Variants in COL11A2 observed in about 807,000 individuals in gnomAD.
The protein encoded by COL11A2 is collagen type XI alpha 2 chain, also known as collagen alpha-2(XI) chain.
A neutral mutation model predicts 273.4 loss-of-function variants in COL11A2; 116 were observed. The observed-to-expected ratio is 0.42, with a 90% CI of 0.36 to 0.49. COL11A2 has a LOEUF of 0.49. Among genes scored for constraint, COL11A2 ranks in the 20% least tolerant of loss-of-function variants. The probability of loss-of-function intolerance (pLI) is 0.00; values close to 1 mark genes in which losing one functional copy is unlikely to be tolerated. For synonymous variants in COL11A2, 782 were observed against 864.2 expected (o/e 0.90, Z 1.67); for missense variants, 1,866 against 2,309.0 (o/e 0.81, Z 3.93).
Position 33,184,973 on chromosome 6 carries a change from G to A in COL11A2, c.939+19C>T, listed in dbSNP as rs1163403027. 5 of 1,548,924 alleles carry A rather than the reference G, an allele frequency of 3.2e-6. No homozygotes were observed. Among genetic ancestry groups the A allele is most frequent in the African/African-American group, 1.4e-5 (1 of 72,972 alleles). On this transcript the variant is annotated intron_variant, in intron 7 of 65. Transcript: ENST00000341947. Reference sequence around the variant, plus strand: ...TGCCCACTGCCCCCAGATGGGGTGAGGGTGGGGCATAGAGTTACCTCCTCA... The same window carrying A: ...TGCCCACTGCCCCCAGATGGGGTGAAGGTGGGGCATAGAGTTACCTCCTCA...
At position 33,163,571 on chromosome 6, in the gene COL11A2, G is replaced by A; in HGVS notation, c.*107C>T. On this transcript the variant is annotated 3_prime_UTR_variant, in exon 66 of 66. Coordinates refer to ENST00000341947, the MANE Select transcript of COL11A2 (RefSeq NM_080680.3). The surrounding 1 kb of genome is among the most constrained non-coding windows in gnomAD (Gnocchi z 4.1). ...TGAGGGCTCTCCACGCCCTGGCCCA[G>A]GGCTCCCTAGATAGTGAGGAGCCCT... is the stretch of plus-strand genomic sequence containing the variant. 6.3e-7 allele frequency: 1 copy of A among 1,574,956 alleles called. No homozygotes were observed. Among genetic ancestry groups the A allele is most frequent in the Non-Finnish European group, 8.7e-7 (1 of 1,146,600 alleles).
At chr6:33,175,766 A>C in intron 29 of COL11A2, 85 bp from the exon 30 acceptor site, 1 of 1,362,764 alleles carries the variant, frequency 7.3e-7, no homozygotes, top group Non-Finnish European at 1.0e-6. Context: ...AGTGAGGCTG[A>C]GGAGGGCTAG....
rs950268371 is a variant in COL11A2, at chr6:33,178,382, G to C, written c.1774-30C>G. 6.2e-7 allele frequency: 1 copy of C among 1,612,766 alleles called. No individual in the cohort carries two copies. The highest frequency in any genetic ancestry group is 8.5e-7 in the Non-Finnish European group (1 of 1,179,970). On this transcript the variant is annotated intron_variant, in intron 19 of 65. Coordinates refer to ENST00000341947, the MANE Select transcript of COL11A2 (RefSeq NM_080680.3). The surrounding 1 kb of genome is among the most constrained non-coding windows in gnomAD (Gnocchi z 4.6). ...AGGAGGAGGACACGGTAAAGCTGCT[G>C]TGCCTTCTAGACCTCCCCTGCACCC...
chr6:33,164,589 G>C lies in COL11A2; in HGVS notation c.4864-116C>G. ...ACCAGGACAGCTGAGCCAGAGTCAT[G>C]AGCAGGGAATGGCTGGAAGGCAAGG... On this transcript the variant is annotated intron_variant, in intron 64 of 65. Transcript: ENST00000341947. The surrounding 1 kb of genome is among the most constrained non-coding windows in gnomAD (Gnocchi z 4.7). 1 of 935,546 alleles carries C rather than the reference G, an allele frequency of 1.1e-6. No homozygotes were observed. Among genetic ancestry groups the C allele is most frequent in the Non-Finnish European group, 1.6e-6 (1 of 635,882 alleles). 58.0% of individuals were successfully genotyped at this position (935,546 alleles called of 1,614,324 possible).
In COL11A2 at chr6:33,165,765, T is replaced by A. The variant is rs778972205; in HGVS notation, c.4534A>T (p.Thr1512Ser). 2 of 1,610,792 alleles carry A rather than the reference T, an allele frequency of 1.2e-6. No homozygotes were observed. Among genetic ancestry groups the A allele is most frequent in the African/African-American group, 1.4e-5 (1 of 74,048 alleles). ...CGGCTTCCATCCACCGAGCGCCGAG[T>A]CTTCTTGGGCATCTGAATGGGCAGT... ...QPLPIQMPKK[T>S]RRSVDGSRLM... Residue 1512 changes from threonine to serine, a missense_variant, in exon 63 of 66, where the codon ACT becomes TCT. By Grantham distance (58) the Thr-to-Ser change is moderately conservative (BLOSUM62 1). Coordinates refer to ENST00000341947, the MANE Select transcript of COL11A2 (RefSeq NM_080680.3). This position sits in a 1 kb window ranked among gnomAD's most constrained non-coding sequence, Gnocchi z 7.7.
Position 33,163,539 on chromosome 6 carries a change from C to T in COL11A2, c.*139G>A, listed in dbSNP as rs1768636709. ...ACCACTTCACCCCTCCCCTGGCCTG[C>T]CCCGACTGAGGGCTCTCCACGCCCT... On this transcript the variant is annotated 3_prime_UTR_variant, in exon 66 of 66. Transcript: ENST00000341947. This position sits in a 1 kb window ranked among gnomAD's most constrained non-coding sequence, Gnocchi z 4.1. 6 of 1,382,062 alleles carry T rather than the reference C, an allele frequency of 4.3e-6. No homozygotes were observed. The Admixed American group carries it at 1.1e-4, about 25-fold the overall frequency. The allele number at this position is 1,382,062 out of a possible 1,614,324, so 85.6% of individuals were successfully genotyped here. A position where few individuals can be genotyped will look rare whatever the true frequency, so the allele number is the denominator to read the frequency against.
chr6:33,178,107 G>T lies in COL11A2; in HGVS notation c.1872+25C>A. On this transcript the variant is annotated intron_variant, in intron 21 of 65. Coordinates refer to ENST00000341947, the MANE Select transcript of COL11A2 (RefSeq NM_080680.3). The surrounding 1 kb of genome is among the most constrained non-coding windows in gnomAD (Gnocchi z 4.6). ...TGGAGAGGTCAAGGGGTCACCTCAG[G>T]GTCAGAAGTCAGGGAGTCACTTACA... 6 of 1,603,572 alleles carry T rather than the reference G, an allele frequency of 3.7e-6. No individual in the cohort carries two copies. The highest frequency in any genetic ancestry group is 5.1e-6 in the Non-Finnish European group (6 of 1,173,992).
At chr6:33,187,627 T>C (rs978875896) in intron 4 of COL11A2, among the ~76,000 whole-genome samples, 17 of 151,956 alleles carry the variant, frequency 1.1e-4, no homozygotes, top group Admixed American at 1.0e-3. Flanking sequence ...GGTGGACTGG[T>C]GGGCAGATGA....
Position 33,169,836 on chromosome 6 carries a change from C to T in COL11A2, c.3685G>A (p.Val1229Ile), listed in dbSNP as rs779552350. Residue 1229 changes from valine to isoleucine, a missense_variant, in exon 50 of 66, where the codon GTC (valine) becomes ATC (isoleucine). Physicochemically the swap from Val to Ile is conservative, Grantham distance 29. Transcript: ENST00000341947. The surrounding 1 kb of genome is among the most constrained non-coding windows in gnomAD (Gnocchi z 5.5). ...GCCTTGGAGCTGTCACTCACCTTGA[C>T]ACCTGGCTCGCCCTGGATCCCTGGA... ...GSPGIQGEPG[V>I]KGPRGERGEK... 1.2e-6 allele frequency: 2 copies of T among 1,614,138 alleles called. No homozygotes were observed. Among genetic ancestry groups the T allele is most frequent in the East Asian group, 2.2e-5 (1 of 44,874 alleles).
chr6:33,186,371 A>G, intron 5 of COL11A2: 1 of 1,402,204 alleles, frequency 7.1e-7, no homozygotes, highest in African/African-American at 1.4e-5. Context: ...GAAGGAAGGG[A>G]AAACCCAGGG....
chr6:33,192,662 G>C (rs1340455154), upstream of COL11A2, among the ~76,000 whole-genome samples: 1 of 152,094 alleles, frequency 6.6e-6, no homozygotes, highest in Non-Finnish European at 1.5e-5. Context: ...TGTACCCTAA[G>C]ATTCTCTTTT....
chr6:33,188,755 A>T (rs547918732), intron 3 of COL11A2, among the ~76,000 whole-genome samples: 2 of 152,336 alleles, frequency 1.3e-5, no homozygotes, highest in East Asian at 3.9e-4. Context: ...AGGCTCAAAA[A>T]TTTTAAGTAA....
rs914781832 is a variant in COL11A2 at position 33,192,229 on chromosome 6, G to A, written c.12C>T (p.Cys4=). The stretch of plus-strand genomic sequence containing the variant: ...GGAGGAGGAGGCGATGGCAGCGGCT[G>A]CACCGCTCCATGGCTGAGAAGCCGA... MER[C]SRCHRLLLLL... is the part of the protein sequence containing the mutation. The change falls in exon 1 of 66, where the codon TGC becomes TGT. Residue 4 remains cysteine, a synonymous_variant. Transcript: ENST00000341947. 7.7e-6 allele frequency: 12 copies of A among 1,560,792 alleles called. No homozygotes were observed. In the African/African-American group the frequency reaches 1.5e-4, roughly 19 times the overall value.
Position 33,172,522 on chromosome 6 carries a change from T to A in COL11A2, c.2898+8A>T. ...CCCCACTTCCCCTCTGCCTGGCCCCTCACTGACCTTTGTTCCTTCTTTTCC... is the reference window on the plus strand; with the variant it reads ...CCCCACTTCCCCTCTGCCTGGCCCCACACTGACCTTTGTTCCTTCTTTTCC... On this transcript the variant is annotated splice_region_variant and intron_variant, in intron 39 of 65. Transcript: ENST00000341947. 6.2e-7 allele frequency: 1 copy of A among 1,610,752 alleles called. No homozygotes were observed. The highest frequency in any genetic ancestry group is 8.5e-7 in the Non-Finnish European group (1 of 1,178,780).
intron 8 of COL11A2, among the ~76,000 whole-genome samples, chr6:33,181,796 A>ATT (rs147467236): frequency 1.3e-5 from 2 of 151,872 alleles, no homozygotes; most frequent in East Asian, 3.9e-4. Flanking sequence ...CCTTTCAGGG[A>ATT]TTTTAAACCA....
chr6:33,176,829 C>CCCAAATTTGG lies in COL11A2; in HGVS notation c.2071-65_2071-64insCCAAATTTGG. On this transcript the variant is annotated intron_variant, in intron 25 of 65. Transcript: ENST00000341947. This position sits in a 1 kb window ranked among gnomAD's most constrained non-coding sequence, Gnocchi z 4.9. Reference sequence around the variant, plus strand: ...GTCACCCTCTCTGCACCCCTCCCTACACTTCTTCCAACCCAAATTTCCTGT... The same window carrying CCCAAATTTGG: ...GTCACCCTCTCTGCACCCCTCCCTACCCAAATTTGGACTTCTTCCAACCCAAATTTCCTGT... The CCCAAATTTGG allele has an allele frequency of 6.4e-7, 1 of 1,574,568 alleles. No homozygotes were observed.
In COL11A2 at chr6:33,189,041, T is replaced by A. The variant is rs1209694777; in HGVS notation, c.380A>T (p.Gln127Leu). 1 of 1,614,186 alleles carries A rather than the reference T, an allele frequency of 6.2e-7. No homozygotes were observed. Among genetic ancestry groups the A allele is most frequent in the Admixed American group, 1.7e-5 (1 of 60,028 alleles). ...GRPVRFLYED[Q>L]TGRPQPPSQP... ...AGAGGGAGGTTGAGGCCGCCCAGTC[T>A]GGTCTTCATACAGGAAGCGGACAGG... Residue 127 changes from glutamine to leucine, a missense_variant, in exon 3 of 66, where the codon CAG (glutamine) becomes CTG (leucine). Physicochemically the swap from Gln to Leu is moderately radical, Grantham distance 113. Coordinates refer to ENST00000341947, the MANE Select transcript of COL11A2 (RefSeq NM_080680.3). The surrounding 1 kb of genome is among the most constrained non-coding windows in gnomAD (Gnocchi z 5.6).
In COL11A2 at chr6:33,177,811, C is replaced by T. The variant is rs1426518394; in HGVS notation, c.1873-105G>A. On this transcript the variant is annotated intron_variant, in intron 21 of 65. Coordinates refer to ENST00000341947, the MANE Select transcript of COL11A2 (RefSeq NM_080680.3). This position sits in a 1 kb window ranked among gnomAD's most constrained non-coding sequence, Gnocchi z 5.9. ...GGGTGTGACGGTCAGACCTCCAATCCATCCCAAACCCAAGCAAACACAGCT... is the reference window on the plus strand; with the variant it reads ...GGGTGTGACGGTCAGACCTCCAATCTATCCCAAACCCAAGCAAACACAGCT... 7.9e-7 allele frequency: 1 copy of T among 1,270,890 alleles called. No individual in the cohort carries two copies. The highest frequency in any genetic ancestry group is 1.9e-5 in the Admixed American group (1 of 53,644). The allele number at this position is 1,270,890 out of a possible 1,614,324, so 78.7% of individuals were successfully genotyped here. A position where few individuals can be genotyped will look rare whatever the true frequency, so the allele number is the denominator to read the frequency against.
Position 33,178,810 on chromosome 6 carries a change from G to C in COL11A2, c.1666-78C>G. ...CCCTCCCTACTGCACCCTGAGCTGG[G>C]GGGGTGCTGATCCTGGGGAAGCCTG... is the stretch of plus-strand genomic sequence containing the variant. On this transcript the variant is annotated intron_variant, in intron 17 of 65. Transcript: ENST00000341947. This position sits in a 1 kb window ranked among gnomAD's most constrained non-coding sequence, Gnocchi z 4.6. The C allele has an allele frequency of 2.5e-6, 4 of 1,603,190 alleles. No individual in the cohort carries two copies. Among genetic ancestry groups the C allele is most frequent in the South Asian group, 2.2e-5 (2 of 90,902 alleles).
Sources: allele counts gnomAD v4.1 joint callset (sites outside exome capture counted in the v4.1 genomes callset), GRCh38; gene constraint gnomAD v4.1.1; non-coding constraint Gnocchi (gnomAD v3.1); transcripts MANE v1.5; gene names NCBI Gene and HGNC (gene_info 2026-07-23, HGNC 2026-07-21).